The following GALNT18 variants were observed in gnomAD, a reference collection of about 807,000 sequenced individuals.
GALNT18 encodes the protein polypeptide N-acetylgalactosaminyltransferase 18.
GALNT18 carries 44 observed loss-of-function variants against 69.5 expected under a neutral mutation model. The observed-to-expected ratio is 0.63, with a 90% confidence interval of 0.50 to 0.81. GALNT18 has a LOEUF of 0.81. Ranked by LOEUF, GALNT18 falls within the 40% of genes least tolerant of loss-of-function variation. The pLI, the probability that GALNT18 is intolerant of heterozygous loss-of-function variation, is 0.00. For missense variants in GALNT18, 715 were observed against 810.0 expected (o/e 0.88, Z 1.42); for synonymous variants, 364 against 318.2 (o/e 1.14, Z -1.53).
chr11:11,599,818 T>C (rs192678545), intron 1 of GALNT18, among the ~76,000 whole-genome samples: 2 of 152,138 alleles, frequency 1.3e-5, no homozygotes, highest in Admixed American at 1.3e-4. Flanking sequence ...GTGTATGATG[T>C]GATGCTTTGA....
intron 1 of GALNT18, among the ~76,000 whole-genome samples, chr11:11,539,529 A>T (rs1034937974): frequency 3.3e-5 from 5 of 152,202 alleles, no homozygotes; most frequent in Non-Finnish European, 7.3e-5. Context: ...AGCCAAACCC[A>T]GGAGGAGATT....
intron 3 of GALNT18, among the ~76,000 whole-genome samples, chr11:11,411,130 C>T (rs6484886): frequency 0.98 from 148,475 of 152,242 alleles, 72,529 homozygotes; most frequent in South Asian, 1. Context: ...CTGGGCAACA[C>T]AGCAAGACCC....
intron 1 of GALNT18, among the ~76,000 whole-genome samples, chr11:11,520,980 C>T (rs2133927940): frequency 6.6e-6 from 1 of 152,234 alleles, no homozygotes; most frequent in African/African-American, 2.4e-5. Context: ...CCCTGGCTGG[C>T]CTTCCACTGC....
At chr11:11,395,775 G>A (rs1473345750) in intron 3 of GALNT18, among the ~76,000 whole-genome samples, 1 of 152,218 alleles carries the variant, frequency 6.6e-6, no homozygotes, top group African/African-American at 2.4e-5. Context: ...TGAAGAAAGG[G>A]AACCTCACTC....
chr11:11,570,567 A>G (rs921175502), intron 1 of GALNT18, among the ~76,000 whole-genome samples: 1 of 152,106 alleles, frequency 6.6e-6, no homozygotes, highest in African/African-American at 2.4e-5. Context: ...CAATTCACCA[A>G]ACCAGCTCTT....
At chr11:11,296,392 C>T (rs1369750787) in intron 9 of GALNT18, among the ~76,000 whole-genome samples, 2 of 152,180 alleles carry the variant, frequency 1.3e-5, no homozygotes, top group Non-Finnish European at 2.9e-5. Context: ...AAGGTGCACA[C>T]CTGTTTATAC....
At chr11:11,378,516 C>A (rs1470996884) in intron 4 of GALNT18, among the ~76,000 whole-genome samples, 1 of 152,228 alleles carries the variant, frequency 6.6e-6, no homozygotes, top group Non-Finnish European at 1.5e-5. Context: ...CCCTTTCCCC[C>A]CAGCATCTGA....
chr11:11,488,869 G>A (rs928106165), intron 1 of GALNT18, among the ~76,000 whole-genome samples: 3 of 152,220 alleles, frequency 2.0e-5, no homozygotes, highest in Non-Finnish European at 4.4e-5. Flanking sequence ...CACCTGAAAA[G>A]CCAAGAGCTT....
At chr11:11,307,100 C>A (rs1849591927) in intron 9 of GALNT18, among the ~76,000 whole-genome samples, 2 of 152,160 alleles carry the variant, frequency 1.3e-5, no homozygotes, top group Non-Finnish European at 2.9e-5. Context: ...CCACAGATGC[C>A]TGAGTCAGCC....
chr11:11,436,822 C>A lies in GALNT18; in HGVS notation c.429-4035G>T, dbSNP rs77329336. ...GGCTTTGTGCTGTAGTCCAAGTCAC[C>A]TTGAAAAGAACACGCCTCCAAGAGC... On this transcript the variant is annotated intron_variant, in intron 2 of 10. Coordinates refer to ENST00000227756, the MANE Select transcript of GALNT18 (RefSeq NM_198516.3). The surrounding 1 kb of genome is among the most constrained non-coding windows in gnomAD (Gnocchi z 4.5). 0.011 allele frequency among the ~76,000 whole-genome samples: 1,702 copies of A among 152,304 alleles called. 40 individuals carry two copies. Among genetic ancestry groups the A allele is most frequent in the African/African-American group, 0.039 (1,617 of 41,558 alleles).
intron 1 of GALNT18, among the ~76,000 whole-genome samples, chr11:11,510,377 G>A (rs756170742): frequency 2.0e-5 from 3 of 152,166 alleles, no homozygotes; most frequent in Non-Finnish European, 4.4e-5. Context: ...ACCAGGTAAA[G>A]CTCCCTACCC....
intron 1 of GALNT18, among the ~76,000 whole-genome samples, chr11:11,489,961 C>T (rs956366341): frequency 1.3e-5 from 2 of 152,164 alleles, no homozygotes; most frequent in Admixed American, 1.3e-4. Flanking sequence ...TGCCTCACAA[C>T]ATGGCTGCCA....
intron 9 of GALNT18, among the ~76,000 whole-genome samples, chr11:11,308,209 A>G (rs1263398215): frequency 6.6e-6 from 1 of 152,236 alleles, no homozygotes; most frequent in East Asian, 1.9e-4. Flanking sequence ...CGTGGCAGGA[A>G]GAACCTCGCC....
chr11:11,330,778 A>C (rs928888917), intron 8 of GALNT18, among the ~76,000 whole-genome samples: 2 of 152,192 alleles, frequency 1.3e-5, no homozygotes, highest in Non-Finnish European at 2.9e-5. Context: ...GTATAAGATG[A>C]GATGCTTTTG....
At chr11:11,594,881 A>AT (rs1491329647) in intron 1 of GALNT18, among the ~76,000 whole-genome samples, 83 of 138,014 alleles carry the variant, frequency 6.0e-4, no homozygotes, top group African/African-American at 2.0e-3. Flanking sequence ...ATATATATAT[A>AT]AAAAATCTAC....
At chr11:11,365,019 ATT>A (rs58109810) in intron 6 of GALNT18, among the ~76,000 whole-genome samples, 1 of 151,804 alleles carries the variant, frequency 6.6e-6, no homozygotes, top group East Asian at 1.9e-4. Flanking sequence ...TTTTTCCTTA[ATT>A]TTTTTTTCAT....
chr11:11,357,965 T>C (rs1012561304), intron 6 of GALNT18, among the ~76,000 whole-genome samples: 1 of 152,214 alleles, frequency 6.6e-6, no homozygotes, highest in Non-Finnish European at 1.5e-5. Flanking sequence ...GCCTGCCTGT[T>C]TGAGTTCTGA....
chr11:11,567,693 G>T (rs905384680), intron 1 of GALNT18, among the ~76,000 whole-genome samples: 2 of 152,186 alleles, frequency 1.3e-5, no homozygotes, highest in Non-Finnish European at 2.9e-5. Flanking sequence ...GGAGAAAAAT[G>T]CAAACAGAAG....
chr11:11,290,807 G>C (rs936427949), intron 10 of GALNT18, among the ~76,000 whole-genome samples: 1 of 152,148 alleles, frequency 6.6e-6, no homozygotes, highest in Non-Finnish European at 1.5e-5. Flanking sequence ...AGCAGGTCTG[G>C]CTGAGGGCAG....
Sources: allele counts gnomAD v4.1 joint callset (sites outside exome capture counted in the v4.1 genomes callset), GRCh38; gene constraint gnomAD v4.1.1; non-coding constraint Gnocchi (gnomAD v3.1); transcripts MANE v1.5; gene names NCBI Gene and HGNC (gene_info 2026-07-23, HGNC 2026-07-21).